EIF5B: variants seen among roughly 807,000 people sequenced by gnomAD.
EIF5B encodes eIF-5B.
In EIF5B, 47 loss-of-function variants were observed where a neutral mutation model predicts 147.5. The observed-to-expected ratio is 0.32, with a 90% CI of 0.25 to 0.41. EIF5B has a LOEUF of 0.41. Among genes scored for constraint, EIF5B ranks in the 10% least tolerant of loss-of-function variants. The pLI, the probability that EIF5B is intolerant of heterozygous loss-of-function variation, is 1.00. For missense variants in EIF5B, 1,064 were observed against 1,413.2 expected, an observed-to-expected ratio of 0.75 and a Z score of 3.96; for synonymous variants, 455 against 456.2, an observed-to-expected ratio of 1.00 and a Z score of 0.03.
intron 1 of EIF5B, among the ~76,000 whole-genome samples, chr2:99,348,269 A>G (rs1376169429): frequency 6.6e-6 from 1 of 152,200 alleles, no homozygotes; most frequent in South Asian, 2.1e-4. Flanking sequence ...TCATAAGGAC[A>G]TCGTAAGCTG....
At chr2:99,380,801 G>A (rs543399835) in intron 12 of EIF5B, among the ~76,000 whole-genome samples, 8 of 152,258 alleles carry the variant, frequency 5.3e-5, no homozygotes, top group African/African-American at 9.6e-5. Flanking sequence ...TTTATGAAGC[G>A]TGTCTTCTAG....
rs369248628 is a variant in EIF5B, at chr2:99,379,048, A to G, written c.1872A>G (p.Val624=). 15 of 1,582,458 alleles carry G rather than the reference A, an allele frequency of 9.5e-6. No homozygotes were observed. In the African/African-American group the frequency reaches 1.5e-4, roughly 16 times the overall value. ...EKRRLEHSKN[V]NTEKLRAPII... ...GGCGACTTGAACATAGTAAAAATGT[A>G]AACACCGAAAAGCTAAGAGCCCCTA... The change falls in exon 11 of 24, where the codon GTA becomes GTG. Residue 624 remains valine, a synonymous_variant. Coordinates refer to ENST00000289371, the MANE Select transcript of EIF5B (RefSeq NM_015904.4).
intron 10 of EIF5B, 133 bp downstream of exon 10, chr2:99,376,769 T>C: frequency 7.3e-7 from 1 of 1,366,596 alleles, no homozygotes; most frequent in Non-Finnish European, 9.5e-7. Context: ...GTTTTTGTAA[T>C]GTTGAAATAT....
intron 1 of EIF5B, among the ~76,000 whole-genome samples, chr2:99,340,978 G>A (rs540724004): frequency 3.9e-4 from 60 of 152,144 alleles, no homozygotes; most frequent in African/African-American, 1.4e-3. Flanking sequence ...TTGGCTGCCT[G>A]GTTTCAAACT....
chr2:99,385,172 G>A (rs924102407), intron 14 of EIF5B, among the ~76,000 whole-genome samples: 1 of 152,012 alleles, frequency 6.6e-6, no homozygotes, highest in Admixed American at 6.6e-5. Context: ...TCAGCCTCCC[G>A]AGTAGCTGGG....
chr2:99,379,383 T>C lies in EIF5B; in HGVS notation c.2016T>C (p.Asn672=). Residue 672 remains asparagine, a synonymous_variant, in exon 12 of 24, where the codon AAT becomes AAC. Transcript: ENST00000289371. ...GGITQQIGAT[N]VPLEAINEQT... is the part of the protein sequence containing the mutation. ...TCACACAACAAATTGGGGCCACCAA[T>C]GTTCCTCTTGAAGCTATTAATGAAC... 15 of 1,613,670 alleles carry C rather than the reference T, an allele frequency of 9.3e-6. No individual in the cohort carries two copies. The highest frequency in any genetic ancestry group is 1.2e-5 in the Non-Finnish European group (14 of 1,179,674).
chr2:99,380,885 C>T (rs1434208147), intron 12 of EIF5B, among the ~76,000 whole-genome samples: 1 of 152,110 alleles, frequency 6.6e-6, no homozygotes, highest in Non-Finnish European at 1.5e-5. Context: ...ATTTTGTGGC[C>T]TTTATACTGG....
chr2:99,398,684 G>GCC (rs1675122867), intron 22 of EIF5B, 64 bp from the exon 23 acceptor site: 2 of 1,515,716 alleles, frequency 1.3e-6, no homozygotes, highest in African/African-American at 2.8e-5. Context: ...CAGCTATCCA[G>GCC]CCATGGCGCC....
rs1372193674 is a variant in EIF5B, at chr2:99,399,431, A to G, written c.*17A>G. 1.2e-6 allele frequency: 2 copies of G among 1,607,296 alleles called. No individual in the cohort carries two copies. Among genetic ancestry groups the G allele is most frequent in the African/African-American group, 1.3e-5 (1 of 74,952 alleles). ...ATCATCTAATTTTTTCACATGGAGC[A>G]GGAACTGGAGTAAATGCAATACTGT... On this transcript the variant is annotated 3_prime_UTR_variant, in exon 24 of 24. Transcript: ENST00000289371.
chr2:99,384,601 T>G (rs908932461), intron 14 of EIF5B, among the ~76,000 whole-genome samples: 6 of 152,240 alleles, frequency 3.9e-5, no homozygotes, highest in African/African-American at 1.4e-4. Context: ...CCCTTCTGGA[T>G]GTTATGAAGA....
intron 1 of EIF5B, among the ~76,000 whole-genome samples, chr2:99,355,560 T>A (rs1355119233): frequency 6.6e-6 from 1 of 151,794 alleles, no homozygotes; most frequent in East Asian, 2.0e-4. Flanking sequence ...AGTAATATGA[T>A]TGTTTTTTCC....
intron 17 of EIF5B, among the ~76,000 whole-genome samples, chr2:99,391,100 A>G (rs1305300672): frequency 2.0e-5 from 3 of 152,232 alleles, no homozygotes; most frequent in Admixed American, 2.0e-4. Context: ...TCACATACAC[A>G]GTCGACTAAC....
intron 1 of EIF5B, among the ~76,000 whole-genome samples, chr2:99,346,148 C>T (rs1169720557): frequency 6.6e-6 from 1 of 151,994 alleles, no homozygotes; most frequent in African/African-American, 2.4e-5. Context: ...CTTTAAAATC[C>T]TTTTCTAATT....
At chr2:99,339,888 C>A (rs1327012428) in intron 1 of EIF5B, among the ~76,000 whole-genome samples, 1 of 152,060 alleles carries the variant, frequency 6.6e-6, no homozygotes, top group African/African-American at 2.4e-5. Context: ...GCTGTTTTTT[C>A]CCCCTCTCAA....
At chr2:99,354,166 C>T (rs1228708595) in intron 1 of EIF5B, among the ~76,000 whole-genome samples, 1 of 152,178 alleles carries the variant, frequency 6.6e-6, no homozygotes, top group African/African-American at 2.4e-5. Context: ...TATGAATTTT[C>T]CAGTTCCTTT....
intron 9 of EIF5B, among the ~76,000 whole-genome samples, chr2:99,373,395 A>G (rs551278165): frequency 1.3e-5 from 2 of 152,320 alleles, no homozygotes; most frequent in East Asian, 3.9e-4. Flanking sequence ...TGCATCCTCC[A>G]GAGGGAAGGA....
At chr2:99,367,583 C>A (rs926370327) in intron 6 of EIF5B, among the ~76,000 whole-genome samples, 1 of 151,768 alleles carries the variant, frequency 6.6e-6, no homozygotes, top group Non-Finnish European at 1.5e-5. Context: ...ATTATAGGCA[C>A]CCACCACCAC....
At chr2:99,364,007 A>G in intron 5 of EIF5B, 145 bp downstream of exon 5, 2 of 1,041,796 alleles carry the variant, frequency 1.9e-6, no homozygotes, top group South Asian at 3.6e-5. Context: ...AAATAATAAG[A>G]TGAAGAGGTA....
intron 5 of EIF5B, 39 bp downstream of exon 5, chr2:99,363,901 T>G (rs929934726): frequency 6.4e-7 from 1 of 1,561,038 alleles, no homozygotes; most frequent in African/African-American, 1.4e-5. Context: ...ATATTGTGTT[T>G]AACTTAAAAT....
Sources: allele counts gnomAD v4.1 joint callset (sites outside exome capture counted in the v4.1 genomes callset), GRCh38; gene constraint gnomAD v4.1.1; transcripts MANE v1.5; gene names NCBI Gene and HGNC (gene_info 2026-07-23, HGNC 2026-07-21).